Variants in DHX9 observed in about 807,000 individuals in gnomAD.
DHX9 encodes ATP-dependent RNA helicase A.
DHX9 carries 27 observed loss-of-function variants against 148.7 expected under a neutral mutation model. That is an observed-to-expected ratio of 0.18 (90% confidence interval 0.13 to 0.25). The LOEUF (loss-of-function observed/expected upper bound fraction) is 0.25. Among genes scored for constraint, DHX9 ranks in the 10% least tolerant of loss-of-function variants. The pLI is 1.00. For missense variants in DHX9, 796 were observed against 1,559.6 expected, an observed-to-expected ratio of 0.51 and a Z score of 8.25; for synonymous variants, 529 against 516.6, an observed-to-expected ratio of 1.02 and a Z score of -0.33.
intron 6 of DHX9, among the ~76,000 whole-genome samples, chr1:182,854,788 A>G (rs923503242): frequency 1.3e-5 from 2 of 152,116 alleles, no homozygotes; most frequent in African/African-American, 4.8e-5. Context: ...TTTTAACAGT[A>G]TGTTTCTCAG....
At chr1:182,884,488 T>G (rs1172012169) in intron 26 of DHX9, 125 bp from the exon 27 acceptor site, 21 of 858,260 alleles carry the variant, frequency 2.4e-5, no homozygotes, top group Non-Finnish European at 3.4e-5. Flanking sequence ...AGTAGTTTTT[T>G]TTTTTAATAT....
chr1:182,842,462 C>T, intron 1 of DHX9, 83 bp from the exon 2 acceptor site: 3 of 718,648 alleles, frequency 4.2e-6, no homozygotes, highest in Non-Finnish European at 6.8e-6. Context: ...TATGTTTAAC[C>T]CAGATTCAGT....
chr1:182,876,557 TAG>T lies in DHX9; in HGVS notation c.2124+19_2124+20del. 1 of 1,595,412 alleles carries T rather than the reference TAG, an allele frequency of 6.3e-7. No homozygotes were observed. Among genetic ancestry groups the T allele is most frequent in the South Asian group, 1.1e-5 (1 of 90,580 alleles). ...AGTAACCAAGGTAAATATTAAACAT[TAG>T]AGTGATGGGATTGGAAGTGACGTAG... On this transcript the variant is annotated intron_variant, in intron 18 of 27. Coordinates refer to ENST00000367549, the MANE Select transcript of DHX9 (RefSeq NM_001357.5).
At chr1:182,845,747 C>T (rs547026321) in intron 3 of DHX9, among the ~76,000 whole-genome samples, 6 of 152,290 alleles carry the variant, frequency 3.9e-5, no homozygotes, top group African/African-American at 7.2e-5. Flanking sequence ...TCTTTGGGGT[C>T]AGTTAATTTG....
At chr1:182,886,308 G>T (rs542755300) in intron 27 of DHX9, among the ~76,000 whole-genome samples, 6 of 152,028 alleles carry the variant, frequency 3.9e-5, no homozygotes, top group Admixed American at 6.6e-5. Flanking sequence ...TGATCCTCCT[G>T]CCTCAACCCC....
chr1:182,869,604 G>A (rs765825218), intron 14 of DHX9, among the ~76,000 whole-genome samples: 3 of 150,636 alleles, frequency 2.0e-5, no homozygotes, highest in Non-Finnish European at 4.4e-5. Flanking sequence ...GTCCAGTTTG[G>A]TTTGGTCTTG....
chr1:182,859,702 T>G (rs1051178632), intron 11 of DHX9, among the ~76,000 whole-genome samples: 6 of 152,062 alleles, frequency 3.9e-5, no homozygotes, highest in African/African-American at 1.2e-4. Context: ...ACCCTCCGCC[T>G]CCTTGGTTCA....
rs547105987 is a variant in DHX9, at chr1:182,883,419, A to G, written c.3144+51A>G. On this transcript the variant is annotated intron_variant, in intron 25 of 27. Transcript: ENST00000367549. ...ATTGAAAGTTGAAATTGTCTTTACA[A>G]TCATTAGGAACATGAATTTTGATTT... 114 of 1,585,618 alleles carry G rather than the reference A, an allele frequency of 7.2e-5. No homozygotes were observed. The South Asian group carries it at 1.2e-3, about 16-fold the overall frequency.
intron 6 of DHX9, among the ~76,000 whole-genome samples, chr1:182,855,029 G>A (rs956813196): frequency 6.6e-6 from 1 of 152,138 alleles, no homozygotes; most frequent in Non-Finnish European, 1.5e-5. Flanking sequence ...TCCATTGGAT[G>A]CATCTAGCGA....
intron 3 of DHX9, among the ~76,000 whole-genome samples, chr1:182,850,119 T>C (rs1571299511): frequency 6.6e-6 from 1 of 152,254 alleles, no homozygotes; most frequent in South Asian, 2.1e-4. Context: ...CCTTAATTTT[T>C]TTTAACCTTC....
chr1:182,884,930 A>G (rs1649256682), intron 27 of DHX9, 117 bp downstream of exon 27: 1 of 797,990 alleles, frequency 1.3e-6, no homozygotes, highest in Non-Finnish European at 2.0e-6. Flanking sequence ...CTAGATATAG[A>G]TAGAGCTATA....
intron 15 of DHX9, among the ~76,000 whole-genome samples, 156 bp from the exon 16 acceptor site, chr1:182,874,698 A>G (rs990653465): frequency 6.6e-6 from 1 of 152,206 alleles, no homozygotes; most frequent in African/African-American, 2.4e-5. Context: ...TTGATTAGGA[A>G]AATAAGGTTA....
At chr1:182,883,744 A>G in intron 26 of DHX9, 109 bp downstream of exon 26, 2 of 607,514 alleles carry the variant, frequency 3.3e-6, no homozygotes, top group South Asian at 6.2e-5. Context: ...TAACTTAATT[A>G]TATACTATAT....
At chr1:182,860,647 C>T (rs1478297503) in intron 12 of DHX9, among the ~76,000 whole-genome samples, 1 of 152,194 alleles carries the variant, frequency 6.6e-6, no homozygotes, top group Non-Finnish European at 1.5e-5. Context: ...TAGTATTTCT[C>T]TTTCAGTAAA....
intron 3 of DHX9, among the ~76,000 whole-genome samples, chr1:182,848,371 C>A (rs1668070311): frequency 6.6e-6 from 1 of 152,242 alleles, no homozygotes; most frequent in Non-Finnish European, 1.5e-5. Context: ...TAATGACCTA[C>A]AATGCACTTG....
At chr1:182,864,857 TAAG>T (rs1050468871) in intron 12 of DHX9, among the ~76,000 whole-genome samples, 24 of 152,308 alleles carry the variant, frequency 1.6e-4, no homozygotes, top group African/African-American at 5.5e-4. Context: ...TATGGGTAGT[TAAG>T]AACTAAAATA....
At position 182,859,002 on chromosome 1, in the gene DHX9, G is replaced by A. The variant is rs985562949; in HGVS notation, c.1063-38G>A. ...TGGATTTATTTTGAAGCTGAATTAT[G>A]TGCTTTTGTTTGACTATGTTGGCTT... On this transcript the variant is annotated intron_variant, in intron 10 of 27. Coordinates refer to ENST00000367549, the MANE Select transcript of DHX9 (RefSeq NM_001357.5). 12 of 1,611,908 alleles carry A rather than the reference G, an allele frequency of 7.4e-6. No individual in the cohort carries two copies. In the African/African-American group the frequency reaches 8.0e-5, roughly 11 times the overall value.
At position 182,843,383 on chromosome 1, in the gene DHX9, C is replaced by T. The variant is rs367632263; in HGVS notation, c.201C>T (p.Asn67=). The stretch of plus-strand genomic sequence containing the variant: ...GCAATGCTGCCAGAGACTTTGTTAA[C>T]TATTTGGTTCGAATAAATGAAATAA... The part of the protein sequence containing the change: ...AQSNAARDFV[N]YLVRINEIKS... Residue 67 remains asparagine, a synonymous_variant, in exon 3 of 28, where the codon AAC becomes AAT. Coordinates refer to ENST00000367549, the MANE Select transcript of DHX9 (RefSeq NM_001357.5). The T allele has an allele frequency of 2.2e-5, 35 of 1,607,530 alleles. No individual in the cohort carries two copies. Among genetic ancestry groups the T allele is most frequent in the Non-Finnish European group, 2.9e-5 (34 of 1,177,610 alleles).
In DHX9 at chr1:182,884,808, T is replaced by C. The variant is rs1413305712; in HGVS notation, c.3456T>C (p.Ser1152=). 8 of 1,614,016 alleles carry C rather than the reference T, an allele frequency of 5.0e-6. No homozygotes were observed. The African/African-American group carries it at 9.3e-5, about 19-fold the overall frequency. Residue 1152 remains serine (S), a synonymous_variant, in exon 27 of 28, where the codon AGT becomes AGC. Coordinates refer to ENST00000367549, the MANE Select transcript of DHX9 (RefSeq NM_001357.5). ...SAAGINLMIG[S]TRYGDGPRPP... is the part of the protein sequence containing the mutation. ...CTGGTATCAACCTTATGATTGGCAG[T>C]ACACGGTGAGTACCAATATACTTCT...
Sources: allele counts gnomAD v4.1 joint callset (sites outside exome capture counted in the v4.1 genomes callset), GRCh38; gene constraint gnomAD v4.1.1; transcripts MANE v1.5; gene names NCBI Gene and HGNC (gene_info 2026-07-23, HGNC 2026-07-21).